Variants in TMEM87B observed in about 807,000 individuals in gnomAD.
The protein encoded by TMEM87B is transmembrane protein 87B.
Under a neutral mutation model 80.3 loss-of-function variants are expected in TMEM87B, and 83 were observed. The ratio of observed to expected loss-of-function variants is 1.03; its 90% CI spans 0.87 to 1.24. The LOEUF (loss-of-function observed/expected upper bound fraction) is 1.24. Among genes scored for constraint, TMEM87B ranks in the 50% most tolerant of loss-of-function variants. TMEM87B has a pLI of 0.00. For synonymous variants in TMEM87B, 219 were observed against 230.5 expected (o/e 0.95, Z 0.45); for missense variants, 625 against 674.4 (o/e 0.93, Z 0.81).
chr2:112,068,488 A>C (rs759782890), intron 4 of TMEM87B, among the ~76,000 whole-genome samples: 3 of 152,172 alleles, frequency 2.0e-5, no homozygotes, highest in Non-Finnish European at 4.4e-5. Context: ...GTGGATCATG[A>C]GGTCAGGAGA....
chr2:112,080,677 A>G lies in TMEM87B; in HGVS notation c.593-380A>G, dbSNP rs529265912. ...TTGCTAATTTTATCTCCCAGTACCT[A>G]AGTTGTCTATGTCTACTGTTAATTG... On this transcript the variant is annotated intron_variant, in intron 6 of 18. Coordinates refer to ENST00000283206, the MANE Select transcript of TMEM87B (RefSeq NM_032824.3). Among the ~76,000 whole-genome samples, 18 of 152,244 alleles carry G rather than the reference A, an allele frequency of 1.2e-4. No homozygotes were observed. The South Asian group carries it at 3.7e-3, about 32-fold the overall frequency.
chr2:112,064,305 G>A (rs983599875), intron 3 of TMEM87B, 52 bp downstream of exon 3: 3 of 1,437,870 alleles, frequency 2.1e-6, no homozygotes, highest in Non-Finnish European at 2.9e-6. Context: ...GGAAAATTAT[G>A]GGTATAAAGA....
At chr2:112,069,701 C>T (rs1678566483) in intron 4 of TMEM87B, among the ~76,000 whole-genome samples, 3 of 152,168 alleles carry the variant, frequency 2.0e-5, no homozygotes, top group African/African-American at 2.4e-5. Context: ...AATGGAAGTA[C>T]TGTGTCAAAC....
intron 4 of TMEM87B, among the ~76,000 whole-genome samples, chr2:112,068,928 C>T (rs1269252127): frequency 6.6e-6 from 1 of 151,460 alleles, no homozygotes; most frequent in East Asian, 1.9e-4. Flanking sequence ...CGCGGTGGCT[C>T]ATGCCTGTAA....
chr2:112,064,814 C>T (rs866931879), intron 3 of TMEM87B, among the ~76,000 whole-genome samples: 156 of 152,150 alleles, frequency 1.0e-3, no homozygotes, highest in African/African-American at 3.6e-3. Context: ...GTGATAGTTG[C>T]TTGGGATTGT....
At chr2:112,065,339 T>A (rs183377497) in intron 3 of TMEM87B, among the ~76,000 whole-genome samples, 1 of 152,244 alleles carries the variant, frequency 6.6e-6, no homozygotes, top group East Asian at 1.9e-4. Flanking sequence ...AATGCTATTA[T>A]ATATAAACCT....
At chr2:112,081,866 C>A (rs551036822) in intron 8 of TMEM87B, among the ~76,000 whole-genome samples, 271 of 152,284 alleles carry the variant, frequency 1.8e-3, no homozygotes, top group South Asian at 0.016. Context: ...TCCTTCCCCC[C>A]ACATCTTCTT....
Position 112,081,432 on chromosome 2 carries a change from G to A in TMEM87B, c.752G>A (p.Trp251Ter). 6.2e-7 allele frequency: 1 copy of A among 1,613,754 alleles called. No individual in the cohort carries two copies. Among genetic ancestry groups the A allele is most frequent in the African/African-American group, 1.3e-5 (1 of 75,004 alleles). The stretch of plus-strand genomic sequence containing the variant: ...AAAGATATATTAAGAATCCAGTTCT[G>A]GATTGCAGCTGTTATTTTTTTGGGA... Reference protein sequence around the residue: ...YWKDILRIQFWIAAVIFLGML... With the variant: ...YWKDILRIQF The change falls in exon 8 of 19, where the codon TGG becomes TAG. Residue 251 changes from tryptophan to a stop codon, truncating the protein, a stop_gained. Coordinates refer to ENST00000283206, the MANE Select transcript of TMEM87B (RefSeq NM_032824.3). LOFTEE classifies it high-confidence loss of function.
chr2:112,109,477 AC>A (rs1679853441), intron 17 of TMEM87B, among the ~76,000 whole-genome samples: 1 of 151,898 alleles, frequency 6.6e-6, no homozygotes, highest in Admixed American at 6.6e-5. Flanking sequence ...ATCTTGATTG[AC>A]TTTTGTTTGA....
chr2:112,083,038 A>G lies in TMEM87B; in HGVS notation c.838+1520A>G, dbSNP rs558779537. Among the ~76,000 whole-genome samples, 13 of 152,348 alleles carry G rather than the reference A, an allele frequency of 8.5e-5. No individual in the cohort carries two copies. The South Asian group carries it at 2.7e-3, about 32-fold the overall frequency. ...TCCTTTCTGATTTTCCCAAGTGGGA[A>G]TTCTGTGACAGGGGCTGTCTTGCCC... On this transcript the variant is annotated intron_variant, in intron 8 of 18. Coordinates refer to ENST00000283206, the MANE Select transcript of TMEM87B (RefSeq NM_032824.3).
At chr2:112,097,712 CAAAAAAAA>C (rs68175814) in intron 13 of TMEM87B, among the ~76,000 whole-genome samples, 11 of 57,250 alleles carry the variant, frequency 1.9e-4, no homozygotes, top group African/African-American at 6.0e-4. Flanking sequence ...GACTCCATCT[CAAAAAAAA>C]AAAAAAAAAA....
At chr2:112,059,108 T>C (rs1243690795) in intron 1 of TMEM87B, among the ~76,000 whole-genome samples, 1 of 152,210 alleles carries the variant, frequency 6.6e-6, no homozygotes, top group Admixed American at 6.5e-5. Context: ...TGAAACTCTG[T>C]TGGGGAAGGG....
Position 112,060,045 on chromosome 2 carries a change from T to A in TMEM87B, c.226+8T>A, listed in dbSNP as rs781507695. Reference sequence around the variant, plus strand: ...CAGATATCAAGTTATCTGGTAAGTATAATAAAACAATAAAATACTAGACTG... The same window carrying A: ...CAGATATCAAGTTATCTGGTAAGTAAAATAAAACAATAAAATACTAGACTG... On this transcript the variant is annotated splice_region_variant and intron_variant, in intron 2 of 18. Transcript: ENST00000283206. 2 of 1,567,030 alleles carry A rather than the reference T, an allele frequency of 1.3e-6. No individual in the cohort carries two copies. The highest frequency in any genetic ancestry group is 1.8e-5 in the Admixed American group (1 of 55,216).
chr2:112,088,041 C>G lies in TMEM87B; in HGVS notation c.939-1584C>G, dbSNP rs747667317. Reference sequence around the variant, plus strand: ...GCTCCGGCCCCCGGGGGCCCAGGCTCAGGCCTCTGCTCTGTGACTCGCACC... The same window carrying G: ...GCTCCGGCCCCCGGGGGCCCAGGCTGAGGCCTCTGCTCTGTGACTCGCACC... On this transcript the variant is annotated intron_variant, in intron 9 of 18. Coordinates refer to ENST00000283206, the MANE Select transcript of TMEM87B (RefSeq NM_032824.3). 1.6e-3 allele frequency among the ~76,000 whole-genome samples: 248 copies of G among 152,370 alleles called. 1 individual carries two copies. The highest frequency in any genetic ancestry group is 2.9e-3 in the Non-Finnish European group (199 of 68,034).
chr2:112,060,387 A>G (rs940879435), intron 2 of TMEM87B, among the ~76,000 whole-genome samples: 3 of 152,156 alleles, frequency 2.0e-5, no homozygotes, highest in Non-Finnish European at 2.9e-5. Context: ...ACTAATATAT[A>G]TATAAACAAC....
chr2:112,074,810 A>C (rs1325575819), intron 4 of TMEM87B, 102 bp from the exon 5 acceptor site: 1 of 1,320,836 alleles, frequency 7.6e-7, no homozygotes, highest in East Asian at 3.0e-5. Flanking sequence ...TTAGCTTTTT[A>C]ATTTTTCATT....
At position 112,105,994 on chromosome 2, in the gene TMEM87B, T is replaced by C; in HGVS notation, c.1451-8T>C. ...ATTTTATATATATGTTTATAATGTCTCTCGTAGCCGAAGGAATAAAATTAA... is the reference window on the plus strand; with the variant it reads ...ATTTTATATATATGTTTATAATGTCCCTCGTAGCCGAAGGAATAAAATTAA... On this transcript the variant is annotated splice_polypyrimidine_tract_variant and splice_region_variant and intron_variant, in intron 15 of 18. Coordinates refer to ENST00000283206, the MANE Select transcript of TMEM87B (RefSeq NM_032824.3). 6.4e-7 allele frequency: 1 copy of C among 1,554,962 alleles called. No homozygotes were observed. Among genetic ancestry groups the C allele is most frequent in the East Asian group, 2.3e-5 (1 of 43,020 alleles).
At chr2:112,062,850 C>A (rs894383895) in intron 2 of TMEM87B, among the ~76,000 whole-genome samples, 7 of 152,172 alleles carry the variant, frequency 4.6e-5, no homozygotes, top group African/African-American at 1.7e-4. Flanking sequence ...CCTTTCCACT[C>A]TGGCTAGTGG....
intron 4 of TMEM87B, 79 bp downstream of exon 4, chr2:112,067,146 G>A: frequency 6.5e-7 from 1 of 1,531,828 alleles, no homozygotes; most frequent in South Asian, 1.3e-5. Flanking sequence ...TGTTTTATCG[G>A]AATTTTGATA....
Sources: gnomAD v4.1 joint callset for allele counts (sites outside exome capture counted in the v4.1 genomes callset) on GRCh38, gnomAD v4.1.1 for gene constraint, MANE v1.5 for transcripts, NCBI Gene and HGNC (gene_info 2026-07-23, HGNC 2026-07-21) for gene names.